IL16: variants seen among roughly 807,000 people sequenced by gnomAD.
The protein encoded by IL16 is interleukin 16.
In IL16, 67 loss-of-function variants were observed where a neutral mutation model predicts 110.1. The ratio of observed to expected loss-of-function variants is 0.61; its 90% CI spans 0.50 to 0.75. The LOEUF (loss-of-function observed/expected upper bound fraction) is 0.75. Among genes scored for constraint, IL16 ranks in the 30% least tolerant of loss-of-function variants. The probability of loss-of-function intolerance (pLI) is 0.00; values close to 1 mark genes in which losing one functional copy is unlikely to be tolerated. For missense variants in IL16, 1,545 were observed against 1,655.0 expected (o/e 0.93, Z 1.15); for synonymous variants, 689 against 662.9 (o/e 1.04, Z -0.61).
chr15:81,187,015 C>T (rs541146972), intron 1 of IL16, among the ~76,000 whole-genome samples: 10 of 152,180 alleles, frequency 6.6e-5, no homozygotes, highest in African/African-American at 2.4e-4. Flanking sequence ...TAAAGAGTAC[C>T]TGAGGGCCCA....
At chr15:81,195,553 T>C (rs906438213), upstream of IL16, among the ~76,000 whole-genome samples, 2 of 152,126 alleles carry the variant, frequency 1.3e-5, no homozygotes, top group African/African-American at 2.4e-5. Flanking sequence ...ATCCCCAGAG[T>C]GCTCCCTCCT....
intron 2 of IL16, among the ~76,000 whole-genome samples, chr15:81,259,133 T>C (rs1436110135): frequency 1.3e-5 from 2 of 152,230 alleles, no homozygotes; most frequent in Admixed American, 1.3e-4. Context: ...AATATTTGCA[T>C]ATAGTAATAA....
Position 81,308,703 on chromosome 15 carries a change from A to C in IL16, c.3904A>C (p.Asn1302His). The change falls in exon 19 of 19, where the codon AAC becomes CAC. Residue 1302 changes from asparagine (N) to histidine (H), a missense_variant. Asn to His is a moderately conservative substitution (Grantham distance 68). This residue lies in a region of IL16 where 356 missense variants were observed against 399.3 expected (regional missense o/e 0.89). Transcript: ENST00000683961. ...GGGCCTCACACGGTTTGAAGCCTGG[A>C]ACATCATCAAGGCACTGCCTGATGG... ...MQGLTRFEAW[N>H]IIKALPDGPV... is the part of the protein sequence containing the mutation. 2 of 1,614,208 alleles carry C rather than the reference A, an allele frequency of 1.2e-6. No individual in the cohort carries two copies. The highest frequency in any genetic ancestry group is 1.7e-6 in the Non-Finnish European group (2 of 1,180,010).
intron 2 of IL16, among the ~76,000 whole-genome samples, chr15:81,226,743 C>A (rs772774705): frequency 6.6e-6 from 1 of 152,172 alleles, no homozygotes; most frequent in Non-Finnish European, 1.5e-5. Flanking sequence ...ATATGTCCTG[C>A]ACTCACTTAA....
intron 2 of IL16, among the ~76,000 whole-genome samples, chr15:81,244,383 G>T (rs1373631135): frequency 1.3e-5 from 2 of 151,946 alleles, no homozygotes; most frequent in African/African-American, 4.8e-5. Flanking sequence ...AGTTCTGGTG[G>T]TGACAAATTC....
Position 81,303,368 on chromosome 15 carries a change from C to T in IL16, c.3319-181C>T. 1 of 573,886 alleles carries T rather than the reference C, an allele frequency of 1.7e-6. No individual in the cohort carries two copies. Among genetic ancestry groups the T allele is most frequent in the Non-Finnish European group, 3.1e-6 (1 of 320,092 alleles). The allele number at this position is 573,886 out of a possible 1,614,324, so 35.5% of individuals were successfully genotyped here. On this transcript the variant is annotated intron_variant, in intron 15 of 18. Coordinates refer to ENST00000683961, the MANE Select transcript of IL16 (RefSeq NM_172217.5). The surrounding 1 kb of genome is among the most constrained non-coding windows in gnomAD (Gnocchi z 4.1). ...TACATTTTTTTTTTCTTCTAAGCTT[C>T]CCATGACTCCTGAAGGTCCATTCTT...
intron 2 of IL16, among the ~76,000 whole-genome samples, chr15:81,258,756 G>T (rs373440415): frequency 1.1e-4 from 16 of 147,332 alleles, no homozygotes; most frequent in African/African-American, 2.6e-4. Context: ...TCTGTCACTC[G>T]CTCTCTCTCT....
chr15:81,232,149 T>G (rs558880479), intron 2 of IL16, among the ~76,000 whole-genome samples: 1 of 150,084 alleles, frequency 6.7e-6, no homozygotes, highest in East Asian at 2.0e-4. Context: ...GCTTTATAGA[T>G]CAATCTGAAG....
At chr15:81,285,569 G>T in intron 9 of IL16, 129 bp from the exon 10 acceptor site, 1 of 942,924 alleles carries the variant, frequency 1.1e-6, no homozygotes. Flanking sequence ...GTGGCTAGTG[G>T]GGTCTACTTA....
At chr15:81,280,268 G>A (rs1225091355) in intron 8 of IL16, among the ~76,000 whole-genome samples, 1 of 152,218 alleles carries the variant, frequency 6.6e-6, no homozygotes, top group Admixed American at 6.5e-5. Flanking sequence ...ACTGAGACCT[G>A]GAGGATAAAG....
chr15:81,269,762 G>C (rs555564978), intron 5 of IL16, 114 bp downstream of exon 5: 1 of 719,702 alleles, frequency 1.4e-6, no homozygotes, highest in Admixed American at 2.2e-5. Context: ...TGGCGCATCA[G>C]AAGAGACAAA....
chr15:81,283,646 G>T (rs1899298028), intron 9 of IL16, among the ~76,000 whole-genome samples: 2 of 152,188 alleles, frequency 1.3e-5, no homozygotes, highest in African/African-American at 4.8e-5. Flanking sequence ...AATTTACAAT[G>T]ACATAAATAG....
At chr15:81,221,309 A>G (rs1397716771) in intron 1 of IL16, among the ~76,000 whole-genome samples, 1 of 152,174 alleles carries the variant, frequency 6.6e-6, no homozygotes, top group Non-Finnish European at 1.5e-5. Flanking sequence ...GAGACCCACA[A>G]GGCTGTCTTG....
At chr15:81,222,431 G>A (rs536187671) in intron 1 of IL16, among the ~76,000 whole-genome samples, 5 of 150,346 alleles carry the variant, frequency 3.3e-5, no homozygotes, top group Admixed American at 6.7e-5. Context: ...AACTGCATAG[G>A]TCAATGCAGT....
chr15:81,290,813 T>G (rs1899680043), intron 11 of IL16, among the ~76,000 whole-genome samples: 1 of 152,134 alleles, frequency 6.6e-6, no homozygotes, highest in Non-Finnish European at 1.5e-5. Flanking sequence ...TCTCCACCGT[T>G]CCCTTTATCC....
intron 2 of IL16, among the ~76,000 whole-genome samples, chr15:81,250,764 G>C (rs1479844424): frequency 6.6e-6 from 1 of 152,128 alleles, no homozygotes; most frequent in African/African-American, 2.4e-5. Flanking sequence ...ATTCCTCTGG[G>C]GGGAAGATTT....
At chr15:81,278,725 C>G in intron 6 of IL16, 92 bp from the exon 7 acceptor site, 1 of 850,058 alleles carries the variant, frequency 1.2e-6, no homozygotes, top group Non-Finnish European at 2.0e-6. Context: ...ATACAAAAAG[C>G]CGGGCAGTTG....
chr15:81,286,242 C>A (rs1467510499), intron 10 of IL16, among the ~76,000 whole-genome samples: 1 of 152,128 alleles, frequency 6.6e-6, no homozygotes, highest in East Asian at 1.9e-4. Flanking sequence ...CAATAAAGAG[C>A]CTGACATACA....
chr15:81,193,973 C>T (rs924969492), upstream of IL16, among the ~76,000 whole-genome samples: 5 of 151,692 alleles, frequency 3.3e-5, no homozygotes, highest in African/African-American at 7.3e-5. Context: ...TTATATTCTG[C>T]GTCATGTTAC....
Sources: allele counts gnomAD v4.1 joint callset (sites outside exome capture counted in the v4.1 genomes callset), GRCh38; gene constraint gnomAD v4.1.1; regional missense constraint gnomAD v4.1.1; non-coding constraint Gnocchi (gnomAD v3.1); transcripts MANE v1.5; gene names NCBI Gene and HGNC (gene_info 2026-07-23, HGNC 2026-07-21).